The following HPCAL1 variants were observed in gnomAD, a reference collection of about 807,000 sequenced individuals.
HPCAL1 encodes the protein hippocalcin-like protein 1.
Under a neutral mutation model 17.1 loss-of-function variants are expected in HPCAL1, and 8 were observed. The ratio of observed to expected loss-of-function variants is 0.47; its 90% CI spans 0.27 to 0.84. The LOEUF (loss-of-function observed/expected upper bound fraction) is 0.84, where lower values mean the gene tolerates loss of function less well. Among genes scored for constraint, HPCAL1 ranks in the 40% least tolerant of loss-of-function variants. The pLI is 0.13. For missense variants in HPCAL1, 165 were observed against 271.1 expected, an observed-to-expected ratio of 0.61 and a Z score of 2.75; for synonymous variants, 112 against 111.4, an observed-to-expected ratio of 1.01 and a Z score of -0.03.
intron 1 of HPCAL1, among the ~76,000 whole-genome samples, chr2:10,327,110 A>G (rs1348643650): frequency 1.3e-5 from 2 of 152,184 alleles, no homozygotes; most frequent in Non-Finnish European, 2.9e-5. Flanking sequence ...TCTTCACTGC[A>G]GCATCTCCTA....
intron 2 of HPCAL1, among the ~76,000 whole-genome samples, chr2:10,417,060 T>G (rs2148020249): frequency 6.6e-6 from 1 of 152,238 alleles, no homozygotes; most frequent in Middle Eastern, 3.4e-3. Context: ...GAATCCTCTC[T>G]CTTAATAAAA....
chr2:10,412,637 C>T (rs886103810), intron 2 of HPCAL1, among the ~76,000 whole-genome samples: 3 of 152,218 alleles, frequency 2.0e-5, no homozygotes, highest in Non-Finnish European at 4.4e-5. Context: ...CGGCTGTGTG[C>T]CCTGGAAGAA....
intron 1 of HPCAL1, among the ~76,000 whole-genome samples, chr2:10,340,411 C>T (rs1665004125): frequency 6.6e-6 from 1 of 152,178 alleles, no homozygotes; most frequent in East Asian, 1.9e-4. Flanking sequence ...ACATGTTTTC[C>T]AGGGACTGGT....
At chr2:10,423,239 G>A (rs543220049) in intron 4 of HPCAL1, 151 bp downstream of exon 4, 560 of 655,930 alleles carry the variant, frequency 8.5e-4, no homozygotes, top group Non-Finnish European at 1.3e-3. Flanking sequence ...GCCCAGGGAA[G>A]AGCGGGATGC....
chr2:10,417,425 C>T (rs775091121), intron 2 of HPCAL1, among the ~76,000 whole-genome samples: 7 of 152,088 alleles, frequency 4.6e-5, no homozygotes, highest in Non-Finnish European at 8.8e-5. Flanking sequence ...CTCTCCCTCC[C>T]GGCCAATGTT....
intron 2 of HPCAL1, among the ~76,000 whole-genome samples, chr2:10,411,029 C>T (rs1445959080): frequency 2.0e-5 from 3 of 151,926 alleles, no homozygotes; most frequent in Non-Finnish European, 4.4e-5. Context: ...TCATCTGGGC[C>T]CTTGTTAATA....
At chr2:10,356,440 G>T (rs770925464) in intron 1 of HPCAL1, among the ~76,000 whole-genome samples, 4 of 152,156 alleles carry the variant, frequency 2.6e-5, no homozygotes, top group Non-Finnish European at 5.9e-5. Flanking sequence ...AGGGAGGACG[G>T]TGTGTGCCAG....
intron 1 of HPCAL1, among the ~76,000 whole-genome samples, chr2:10,374,032 G>T (rs1234459291): frequency 1.3e-5 from 2 of 152,144 alleles, no homozygotes. Flanking sequence ...CTCATGGCTG[G>T]CTGGCCCTGG....
chr2:10,400,628 T>C (rs1018576549), intron 2 of HPCAL1, among the ~76,000 whole-genome samples: 2 of 152,178 alleles, frequency 1.3e-5, no homozygotes, highest in African/African-American at 2.4e-5. Context: ...TTGAGGGTTA[T>C]ATTTAGGGTG....
chr2:10,319,578 T>A (rs894483235), intron 1 of HPCAL1, among the ~76,000 whole-genome samples: 2 of 2,032 alleles, frequency 9.8e-4, no homozygotes, highest in African/African-American at 1.4e-3. Context: ...GCAGGTGGGG[T>A]GGGGTGGGGT....
chr2:10,400,290 C>T (rs148549318), intron 2 of HPCAL1, among the ~76,000 whole-genome samples: 3 of 152,326 alleles, frequency 2.0e-5, no homozygotes, highest in East Asian at 1.9e-4. Context: ...AGCAGCATCT[C>T]GGCACAGCCA....
Position 10,331,287 on chromosome 2 carries a change from C to A in HPCAL1, c.-111+28110C>A, listed in dbSNP as rs2125420745. Among the ~76,000 whole-genome samples the A allele has an allele frequency of 6.6e-6, 1 of 152,230 alleles. No homozygotes were observed. The highest frequency in any genetic ancestry group is 3.4e-3 in the Middle Eastern group (1 of 294). Reference sequence around the variant, plus strand: ...CGTCCGCCTCTCCTGCCTCCTGAGCCCACAGGCGCCCTTCCTGTCACCCGA... The same window carrying A: ...CGTCCGCCTCTCCTGCCTCCTGAGCACACAGGCGCCCTTCCTGTCACCCGA... On this transcript the variant is annotated intron_variant, in intron 1 of 4. Coordinates refer to ENST00000307845, the MANE Select transcript of HPCAL1 (RefSeq NM_002149.4). This position sits in a 1 kb window ranked among gnomAD's most constrained non-coding sequence, Gnocchi z 5.0.
rs1244791240 is a variant in HPCAL1, at chr2:10,394,160, C to T, written c.-110-2675C>T. 1.3e-5 allele frequency among the ~76,000 whole-genome samples: 2 copies of T among 151,976 alleles called. No homozygotes were observed. Among genetic ancestry groups the T allele is most frequent in the South Asian group, 2.1e-4 (1 of 4,820 alleles). ...AAAAAAACCTTGTAACTAACCAGAG[C>T]AGCTGAAAAGAACAGAGCATGGGTT... On this transcript the variant is annotated intron_variant, in intron 1 of 4. Transcript: ENST00000307845. This position sits in a 1 kb window ranked among gnomAD's most constrained non-coding sequence, Gnocchi z 5.0.
In HPCAL1 at chr2:10,354,523, T is replaced by C. The variant is rs985748377; in HGVS notation, c.-110-42312T>C. 6.6e-6 allele frequency: 1 copy of C among 152,158 alleles called. No individual in the cohort carries two copies. Among genetic ancestry groups the C allele is most frequent in the Admixed American group, 6.5e-5 (1 of 15,272 alleles). 9.4% of individuals were successfully genotyped at this position (152,158 alleles called of 1,614,324 possible). On this transcript the variant is annotated intron_variant, in intron 1 of 4. Coordinates refer to ENST00000307845, the MANE Select transcript of HPCAL1 (RefSeq NM_002149.4). The surrounding 1 kb of genome is among the most constrained non-coding windows in gnomAD (Gnocchi z 5.1). ...CACCTTCCAGGTTGACTTGCCAGGG[T>C]GTCCTGGGTTGGTTTGTTTTACAGA...
chr2:10,327,876 T>G (rs974756085), intron 1 of HPCAL1, among the ~76,000 whole-genome samples: 2 of 152,248 alleles, frequency 1.3e-5, no homozygotes, highest in Non-Finnish European at 1.5e-5. Context: ...GCATATACAT[T>G]CATAAGTGGG....
In HPCAL1 at chr2:10,395,844, T is replaced by C. The variant is rs951687375; in HGVS notation, c.-110-991T>C. ...GTGCCTGCCTCCCAGGGCTGCTGTG[T>C]GGATTACGTTGGATAATGAGTACAA... On this transcript the variant is annotated intron_variant, in intron 1 of 4. Coordinates refer to ENST00000307845, the MANE Select transcript of HPCAL1 (RefSeq NM_002149.4). The surrounding 1 kb of genome is among the most constrained non-coding windows in gnomAD (Gnocchi z 4.4). Among the ~76,000 whole-genome samples, 1 of 152,130 alleles carries C rather than the reference T, an allele frequency of 6.6e-6. No individual in the cohort carries two copies. Among genetic ancestry groups the C allele is most frequent in the Non-Finnish European group, 1.5e-5 (1 of 68,020 alleles).
At chr2:10,385,032 A>G (rs1668215426) in intron 1 of HPCAL1, among the ~76,000 whole-genome samples, 1 of 151,964 alleles carries the variant, frequency 6.6e-6, no homozygotes, top group South Asian at 2.1e-4. Context: ...AGGCAGGAGA[A>G]TCACTTGAAC....
rs957897497 is a variant in HPCAL1, at chr2:10,377,946, C to T, written c.-110-18889C>T. On this transcript the variant is annotated intron_variant, in intron 1 of 4. Coordinates refer to ENST00000307845, the MANE Select transcript of HPCAL1 (RefSeq NM_002149.4). This position sits in a 1 kb window ranked among gnomAD's most constrained non-coding sequence, Gnocchi z 5.9. Reference sequence around the variant, plus strand: ...AGGCGGCGAAGATGCTGGTTGAGGGCACGGGTGAGGCGGGGAGGCGTTTCG... The same window carrying T: ...AGGCGGCGAAGATGCTGGTTGAGGGTACGGGTGAGGCGGGGAGGCGTTTCG... 2.6e-5 allele frequency among the ~76,000 whole-genome samples: 4 copies of T among 152,146 alleles called. No homozygotes were observed. The highest frequency in any genetic ancestry group is 5.9e-5 in the Non-Finnish European group (4 of 68,022).
At chr2:10,364,851 C>A (rs115802668) in intron 1 of HPCAL1, among the ~76,000 whole-genome samples, 48 of 152,256 alleles carry the variant, frequency 3.2e-4, no homozygotes, top group African/African-American at 1.1e-3. Flanking sequence ...TCCCAGAGTG[C>A]TGGGTTTATA....
Sources: allele counts gnomAD v4.1 joint callset (sites outside exome capture counted in the v4.1 genomes callset), GRCh38; gene constraint gnomAD v4.1.1; non-coding constraint Gnocchi (gnomAD v3.1); transcripts MANE v1.5; gene names NCBI Gene and HGNC (gene_info 2026-07-23, HGNC 2026-07-21).